Variants in HELZ2 observed in about 807,000 individuals in gnomAD.
HELZ2 encodes 3'-5' exoribonuclease HELZ2.
Under a neutral mutation model 208.8 loss-of-function variants are expected in HELZ2, and 143 were observed. The observed-to-expected ratio is 0.68, with a 90% CI of 0.60 to 0.79. The LOEUF (loss-of-function observed/expected upper bound fraction) is 0.79, where lower values mean the gene tolerates loss of function less well. Among genes scored for constraint, HELZ2 ranks in the 30% least tolerant of loss-of-function variants. HELZ2 has a pLI of 0.00. For synonymous variants in HELZ2, 1,705 were observed against 1,693.7 expected, an observed-to-expected ratio of 1.01 and a Z score of -0.16; for missense variants, 3,690 against 3,794.5, an observed-to-expected ratio of 0.97 and a Z score of 0.72.
In HELZ2 at chr20:63,568,708, C is replaced by A. The variant is rs1203856621; in HGVS notation, c.1380G>T (p.Gln460His). ...CCTCCAGGACCAGGCGGGCCTCAGG[C>A]TGCAGCCCCAGGGCCAAGCAGCAGC... Residue 460 changes from glutamine (Q) to histidine (H), a missense_variant, in exon 5 of 19, where the codon CAG becomes CAT. This residue lies in a region of HELZ2 where 1,119 missense variants were observed against 1,193.4 expected (regional missense o/e 0.94). Transcript: ENST00000467148. 4 of 1,606,066 alleles carry A rather than the reference C, an allele frequency of 2.5e-6. No homozygotes were observed. Among genetic ancestry groups the A allele is most frequent in the Non-Finnish European group, 3.4e-6 (4 of 1,179,190 alleles).
exon 11 of HELZ2, chr20:63,561,884 C>G (rs1416170787): frequency 3.8e-6 from 6 of 1,574,042 alleles, no homozygotes; most frequent in Non-Finnish European, 5.2e-6. Flanking sequence ...GACCCCCCAG[C>G]CGCTTCTCCC....
chr20:63,560,979 C>G, intron 14 of HELZ2, 50 bp from the exon 16 acceptor site: 1 of 1,601,672 alleles, frequency 6.2e-7, no homozygotes, highest in Non-Finnish European at 8.5e-7. Flanking sequence ...CCAGAGGGAC[C>G]CCAGCCCCAC....
chr20:63,565,111 G>T (rs760818578), exon 8 of HELZ2: 8 of 1,568,370 alleles, frequency 5.1e-6, no homozygotes, highest in Non-Finnish European at 6.9e-6. Context: ...TGTAGATGGG[G>T]ACCTGCGATG....
exon 8 of HELZ2, chr20:63,562,769 G>A: frequency 6.2e-7 from 1 of 1,605,684 alleles, no homozygotes; most frequent in South Asian, 1.1e-5. Context: ...GCTGGCCGTG[G>A]GAGCCGGCAG....
At chr20:63,565,795 G>T in exon 8 of HELZ2, 1 of 1,599,794 alleles carries the variant, frequency 6.3e-7, no homozygotes, top group Non-Finnish European at 8.5e-7. Flanking sequence ...TGATGTCACG[G>T]GATGCTGGGC....
Position 63,561,468 on chromosome 20 carries a change from TG to T in HELZ2, c.6837-3del, listed in dbSNP as rs1208393324. 9 of 1,604,782 alleles carry T rather than the reference TG, an allele frequency of 5.6e-6. No homozygotes were observed. The highest frequency in any genetic ancestry group is 7.7e-6 in the Non-Finnish European group (9 of 1,176,108). On this transcript the variant is annotated splice_region_variant and splice_polypyrimidine_tract_variant and intron_variant, in intron 12 of 18. Transcript: ENST00000467148. ...ATCCGGTGGTGCAGGGTGATGCTCC[TG>T]GGGGACAGGACACAGTGAGCCCTGT...
exon 8 of HELZ2, chr20:63,564,361 C>T: frequency 6.4e-7 from 1 of 1,562,718 alleles, no homozygotes; most frequent in South Asian, 1.2e-5. Context: ...AGCACGCGGC[C>T]ACGACGCAGG....
Position 63,560,213 on chromosome 20 carries a change from CCT to C in HELZ2, c.7613_7614del (p.Glu2538GlyfsTer84), listed in dbSNP as rs1360871725. ...GAGGACACGGCCACCCCGGCGATGC[CCT>C]CTCGCCGAAGGGCCTTGCTGATCTC... On this transcript the variant is annotated frameshift_variant, in exon 17 of 19. Coordinates refer to ENST00000467148, the Ensembl canonical transcript of HELZ2. LOFTEE classifies it high-confidence loss of function. The C allele has an allele frequency of 1.3e-6, 2 of 1,557,210 alleles. No individual in the cohort carries two copies. Among genetic ancestry groups the C allele is most frequent in the Non-Finnish European group, 1.7e-6 (2 of 1,155,440 alleles).
intron 16 of HELZ2, 25 bp from the exon 18 acceptor site, chr20:63,560,352 A>G (rs754465778): frequency 6.4e-7 from 1 of 1,557,066 alleles, no homozygotes; most frequent in Admixed American, 1.8e-5. Context: ...GGGCAGGTGG[A>G]GCGGACCCTG....
upstream of HELZ2, chr20:63,572,459 C>A (rs1026566079): frequency 2.1e-6 from 3 of 1,413,466 alleles, no homozygotes; most frequent in African/African-American, 4.3e-5. Flanking sequence ...CACAAACCTG[C>A]AGTAGGCAGG....
exon 8 of HELZ2, chr20:63,563,764 C>A (rs1333810525): frequency 1.9e-6 from 3 of 1,603,080 alleles, no homozygotes; most frequent in Middle Eastern, 1.7e-4. Context: ...CCAGCAGGAT[C>A]TGCCGCTGCA....
chr20:63,572,382 C>A, exon 1 of HELZ2: 1 of 1,529,834 alleles, frequency 6.5e-7, no homozygotes, highest in Admixed American at 1.9e-5. Context: ...TCCCACACAG[C>A]CATCTCCACG....
rs747031235 is a variant in HELZ2 at position 63,563,355 on chromosome 20, C to T, written c.5467G>A (p.Val1823Met). The change falls in exon 8 of 19, where the codon GTG becomes ATG. Residue 1823 changes from valine to methionine, a missense_variant. This residue lies in a region of HELZ2 where 2,564 missense variants were observed against 2,580.5 expected (regional missense o/e 0.99). Coordinates refer to ENST00000467148, the Ensembl canonical transcript of HELZ2. ...AGCTGCTTCCACAGGGCCGTCTCCA[C>T]GGCCAGGGTGTGTGGGTCCGGCACA... 60 of 1,537,816 alleles carry T rather than the reference C, an allele frequency of 3.9e-5. No individual in the cohort carries two copies. Among genetic ancestry groups the T allele is most frequent in the South Asian group, 2.8e-4 (24 of 84,230 alleles).
chr20:63,564,381 A>T, exon 8 of HELZ2: 1 of 1,556,880 alleles, frequency 6.4e-7, no homozygotes, highest in South Asian at 1.2e-5. Context: ...GCGTCCACGG[A>T]GTCCAGGCGG....
exon 1 of HELZ2, chr20:63,572,394 C>A: frequency 6.6e-7 from 1 of 1,507,172 alleles, no homozygotes; most frequent in South Asian, 1.3e-5. Context: ...ATCTCCACGG[C>A]GCTGTGTGCA....
At chr20:63,563,030 G>A (rs755412154) in exon 8 of HELZ2, 22 of 1,600,468 alleles carry the variant, frequency 1.4e-5, no homozygotes, top group South Asian at 1.1e-4. Context: ...CCGGTCCCTC[G>A]GGGCCCGGTA....
At position 63,570,878 on chromosome 20, in the gene HELZ2, A is replaced by G; in HGVS notation, c.279-10T>C. The G allele has an allele frequency of 1.3e-6, 2 of 1,576,790 alleles. No individual in the cohort carries two copies. Among genetic ancestry groups the G allele is most frequent in the East Asian group, 2.3e-5 (1 of 44,214 alleles). On this transcript the variant is annotated splice_polypyrimidine_tract_variant and intron_variant, in intron 1 of 18. Coordinates refer to ENST00000467148, the Ensembl canonical transcript of HELZ2. ...CTCACAGAGGTCAGGCCTGGGGGAC[A>G]GGGAGGTCAGCAGGGCTACACAGAG...
At chr20:63,561,681 G>A (rs756171275) in exon 12 of HELZ2, 17 of 1,612,190 alleles carry the variant, frequency 1.1e-5, no homozygotes, top group South Asian at 5.5e-5. Flanking sequence ...CTGGGAACTC[G>A]CTGGCCTCAG....
exon 8 of HELZ2, chr20:63,563,588 A>G (rs1437680006): frequency 1.3e-6 from 2 of 1,531,374 alleles, no homozygotes; most frequent in Admixed American, 2.0e-5. Context: ...CTCCACGTCC[A>G]CCACGAAGCC....
Sources: gnomAD v4.1 joint callset for allele counts on GRCh38, gnomAD v4.1.1 for gene constraint, gnomAD v4.1.1 regional missense constraint, MANE v1.5 for transcripts, NCBI Gene and HGNC (gene_info 2026-07-23, HGNC 2026-07-21) for gene names.